The following LRRC30 variants were observed in gnomAD, a reference collection of about 807,000 sequenced individuals.
LRRC30 encodes leucine-rich repeat-containing protein 30.
A neutral mutation model predicts 14.8 loss-of-function variants in LRRC30; 10 were observed. The observed-to-expected ratio is 0.68, with a 90% CI of 0.42 to 1.15. The LOEUF is 1.15. Ranked by LOEUF, LRRC30 falls within the 50% of genes most tolerant of loss-of-function variation. The pLI is 0.00. For synonymous variants in LRRC30, 202 were observed against 175.7 expected (o/e 1.15, Z -1.18); for missense variants, 403 against 373.9 (o/e 1.08, Z -0.64).
At position 7,231,185 on chromosome 18, in the gene LRRC30, A is replaced by G. The variant is rs746134566; in HGVS notation, c.47A>G (p.Lys16Arg). 33 of 1,610,328 alleles carry G rather than the reference A, an allele frequency of 2.0e-5. No individual in the cohort carries two copies. Among genetic ancestry groups the G allele is most frequent in the East Asian group, 6.7e-5 (3 of 44,754 alleles). Residue 16 changes from lysine to arginine, a missense_variant, in exon 1 of 1, where the codon AAG (lysine) becomes AGG (arginine). Lys to Arg is a conservative substitution (Grantham distance 26). Coordinates refer to ENST00000383467, the MANE Select transcript of LRRC30 (RefSeq NM_001105581.3). ...SRASSKDKGP[K>R]RMLFTGRRQK... Reference sequence around the variant, plus strand: ...GCCAGCTCCAAGGATAAGGGCCCCAAGAGGATGCTGTTCACGGGGAGGAGA... The same window carrying G: ...GCCAGCTCCAAGGATAAGGGCCCCAGGAGGATGCTGTTCACGGGGAGGAGA...
chr18:7,231,452 G>A lies in LRRC30; in HGVS notation c.314G>A (p.Arg105His). Residue 105 changes from arginine (R) to histidine (H), a missense_variant, in exon 1 of 1, where the codon CGC (arginine) becomes CAC (histidine). Coordinates refer to ENST00000383467, the MANE Select transcript of LRRC30 (RefSeq NM_001105581.3). ...RIVVLNLCGN[R>H]LKSLPREVSL... ...GTGGTCCTGAACTTGTGCGGGAACC[G>A]CCTGAAGAGCCTGCCCAGAGAAGTG... 2.5e-6 allele frequency: 4 copies of A among 1,614,056 alleles called. No homozygotes were observed. The highest frequency in any genetic ancestry group is 3.4e-6 in the Non-Finnish European group (4 of 1,180,042).
In LRRC30 at chr18:7,231,404, A is replaced by C. The variant is rs1179537044; in HGVS notation, c.266A>C (p.Glu89Ala). Residue 89 changes from glutamate to alanine, a missense_variant, in exon 1 of 1, where the codon GAG becomes GCG. Transcript: ENST00000383467. Reference sequence around the variant, plus strand: ...AACCAGCTCCGGGTTCTCCCTCCCGAGGTGGGGAAACTGACCCGGATCGTG... The same window carrying C: ...AACCAGCTCCGGGTTCTCCCTCCCGCGGTGGGGAAACTGACCCGGATCGTG... ...SHNQLRVLPP[E>A]VGKLTRIVVL... is the part of the protein sequence containing the mutation. The C allele has an allele frequency of 5.0e-6, 8 of 1,614,042 alleles. No homozygotes were observed. The Admixed American group carries it at 1.3e-4, about 27-fold the overall frequency.
chr18:7,231,844 C>G lies in LRRC30; in HGVS notation c.706C>G (p.Leu236Val). 1 of 1,614,136 alleles carries G rather than the reference C, an allele frequency of 6.2e-7. No homozygotes were observed. Among genetic ancestry groups the G allele is most frequent in the Non-Finnish European group, 8.5e-7 (1 of 1,180,020 alleles). The change falls in exon 1 of 1, where the codon CTG becomes GTG. Residue 236 changes from leucine (L) to valine (V), a missense_variant. Physicochemically the swap from Leu to Val is conservative, Grantham distance 32. Coordinates refer to ENST00000383467, the MANE Select transcript of LRRC30 (RefSeq NM_001105581.3). ...GCTTTGCCTGGTCACCAGCCTGGAG[C>G]TGCTGAACCTCAACAACAATGACAT... ...RSLCLVTSLE[L>V]LNLNNNDIQT...
At position 7,231,448 on chromosome 18, in the gene LRRC30, A is replaced by C. The variant is rs753003051; in HGVS notation, c.310A>C (p.Asn104His). ...GATCGTGGTCCTGAACTTGTGCGGG[A>C]ACCGCCTGAAGAGCCTGCCCAGAGA... ...TRIVVLNLCG[N>H]RLKSLPREVS... Residue 104 changes from asparagine to histidine, a missense_variant, in exon 1 of 1, where the codon AAC becomes CAC. By Grantham distance (68) the Asn-to-His change is moderately conservative. Coordinates refer to ENST00000383467, the MANE Select transcript of LRRC30 (RefSeq NM_001105581.3). 1 of 1,614,114 alleles carries C rather than the reference A, an allele frequency of 6.2e-7. No homozygotes were observed. The highest frequency in any genetic ancestry group is 8.5e-7 in the Non-Finnish European group (1 of 1,180,026).
In LRRC30 at chr18:7,231,109, C is replaced by G. The variant is rs746783038; in HGVS notation, c.-30C>G. ...GACACGGTCCCTGCCTGGGAGGTGG[C>G]AGAGGAGAGTGACTAGAAGGGAAGG... On this transcript the variant is annotated 5_prime_UTR_variant, in exon 1 of 1. Coordinates refer to ENST00000383467, the MANE Select transcript of LRRC30 (RefSeq NM_001105581.3). The G allele has an allele frequency of 6.5e-6, 10 of 1,545,088 alleles. No individual in the cohort carries two copies. The highest frequency in any genetic ancestry group is 8.7e-6 in the Non-Finnish European group (10 of 1,143,898).
rs763558440 is a variant in LRRC30 at position 7,231,275 on chromosome 18, G to A, written c.137G>A (p.Arg46Gln). The A allele has an allele frequency of 1.7e-5, 28 of 1,614,116 alleles. No homozygotes were observed. The South Asian group carries it at 1.9e-4, about 11-fold the overall frequency. ...SGRDPRSLLK[R>Q]GMHHVSFSLV... is the part of the protein sequence containing the mutation. ...AGGGACCCGCGGTCCCTGCTGAAGC[G>A]GGGCATGCACCACGTCAGCTTCAGC... is the stretch of plus-strand genomic sequence containing the variant. The change falls in exon 1 of 1, where the codon CGG becomes CAG. Residue 46 changes from arginine (R) to glutamine (Q), a missense_variant. Arg to Gln is a conservative substitution (Grantham distance 43). Coordinates refer to ENST00000383467, the MANE Select transcript of LRRC30 (RefSeq NM_001105581.3).
At position 7,231,755 on chromosome 18, in the gene LRRC30, A is replaced by G. The variant is rs1372991233; in HGVS notation, c.617A>G (p.Gln206Arg). ...NRLENIAESI[Q>R]HLASLQIFIA... ...CTGGAAAACATCGCTGAGAGCATCC[A>G]GCACCTGGCCAGCCTGCAGATCTTC... is the stretch of plus-strand genomic sequence containing the variant. The change falls in exon 1 of 1, where the codon CAG becomes CGG. Residue 206 changes from glutamine (Q) to arginine (R), a missense_variant. Physicochemically the swap from Gln to Arg is conservative, Grantham distance 43. Transcript: ENST00000383467. 6.2e-7 allele frequency: 1 copy of G among 1,614,202 alleles called. No homozygotes were observed. The highest frequency in any genetic ancestry group is 1.3e-5 in the African/African-American group (1 of 75,064).
Position 7,231,468 on chromosome 18 carries a change from C to T in LRRC30, c.330C>T (p.Pro110=), listed in dbSNP as rs1475114115. The change falls in exon 1 of 1, where the codon CCC becomes CCT. Residue 110 remains proline, a synonymous_variant. Transcript: ENST00000383467. ...GCGGGAACCGCCTGAAGAGCCTGCC[C>T]AGAGAAGTGAGCCTCCTACAGTGCC... ...NLCGNRLKSL[P]REVSLLQCLK... 1.2e-6 allele frequency: 2 copies of T among 1,613,956 alleles called. No individual in the cohort carries two copies. Among genetic ancestry groups the T allele is most frequent in the African/African-American group, 2.7e-5 (2 of 74,936 alleles).
At position 7,231,535 on chromosome 18, in the gene LRRC30, C is replaced by T. The variant is rs759359428; in HGVS notation, c.397C>T (p.Pro133Ser). 6.2e-7 allele frequency: 1 copy of T among 1,613,428 alleles called. No homozygotes were observed. The highest frequency in any genetic ancestry group is 1.1e-5 in the South Asian group (1 of 91,082). The stretch of plus-strand genomic sequence containing the variant: ...CAACATGAACTGCCTGACAGAGGTG[C>T]CGGCCGAGCTGAGCTTGTGCCGAAA... Reference protein sequence around the residue: ...FVNMNCLTEVPAELSLCRKLE... With the variant: ...FVNMNCLTEVSAELSLCRKLE... The change falls in exon 1 of 1, where the codon CCG (proline) becomes TCG (serine). Residue 133 changes from proline to serine, a missense_variant. Transcript: ENST00000383467.
Sources: allele counts gnomAD v4.1 joint callset, GRCh38; gene constraint gnomAD v4.1.1; transcripts MANE v1.5; gene names NCBI Gene and HGNC (gene_info 2026-07-23, HGNC 2026-07-21).